Variants in SLC10A7 observed in about 807,000 individuals in gnomAD.
SLC10A7 encodes solute carrier family 10 member 7.
Under a neutral mutation model 43.2 loss-of-function variants are expected in SLC10A7, and 29 were observed. That is an observed-to-expected ratio of 0.67 (90% CI 0.50 to 0.92). The LOEUF (loss-of-function observed/expected upper bound fraction) is 0.92, where lower values mean the gene tolerates loss of function less well. SLC10A7 is among the 40% of genes least tolerant of loss of function. The pLI, the probability that SLC10A7 is intolerant of heterozygous loss-of-function variation, is 0.00. For synonymous variants in SLC10A7, 152 were observed against 144.8 expected (o/e 1.05, Z -0.35); for missense variants, 295 against 403.2 (o/e 0.73, Z 2.30).
chr4:146,369,874 C>A (rs1330561035), intron 5 of SLC10A7, among the ~76,000 whole-genome samples: 1 of 151,910 alleles, frequency 6.6e-6, no homozygotes, highest in Admixed American at 6.6e-5. Context: ...AGTGGGCCCA[C>A]AAAGCTAAAT....
chr4:146,512,529 G>C (rs532510794), intron 2 of SLC10A7, among the ~76,000 whole-genome samples: 2 of 152,090 alleles, frequency 1.3e-5, no homozygotes, highest in Admixed American at 1.3e-4. Context: ...AATCTAATTG[G>C]AGTGTTATGA....
At chr4:146,386,402 A>G (rs1737998715) in intron 5 of SLC10A7, among the ~76,000 whole-genome samples, 1 of 152,082 alleles carries the variant, frequency 6.6e-6, no homozygotes, top group Non-Finnish European at 1.5e-5. Flanking sequence ...TATAATGAAC[A>G]CTCATATATC....
intron 5 of SLC10A7, among the ~76,000 whole-genome samples, chr4:146,390,222 C>T (rs1182505399): frequency 6.6e-6 from 1 of 152,096 alleles, no homozygotes; most frequent in East Asian, 1.9e-4. Context: ...TGACAGAAGG[C>T]CATCATGTTT....
intron 5 of SLC10A7, among the ~76,000 whole-genome samples, chr4:146,343,753 T>G (rs920492816): frequency 4.6e-5 from 7 of 152,016 alleles, no homozygotes; most frequent in African/African-American, 1.7e-4. Flanking sequence ...TAGAAATATA[T>G]GTTTAACATC....
chr4:146,400,866 A>T (rs981945224), intron 5 of SLC10A7, among the ~76,000 whole-genome samples: 1 of 152,224 alleles, frequency 6.6e-6, no homozygotes, highest in African/African-American at 2.4e-5. Context: ...AAAGAAGAAT[A>T]CAAAATAAAC....
At chr4:146,361,179 A>G (rs1736024505) in intron 5 of SLC10A7, among the ~76,000 whole-genome samples, 1 of 152,202 alleles carries the variant, frequency 6.6e-6, no homozygotes, top group African/African-American at 2.4e-5. Flanking sequence ...CTGAGGAAGC[A>G]GGGCAATCTA....
At chr4:146,461,443 T>C (rs77991738) in intron 4 of SLC10A7, among the ~76,000 whole-genome samples, 3,871 of 152,144 alleles carry the variant, frequency 0.025, 75 homozygotes, top group Non-Finnish European at 0.041. Context: ...TAAGGCCCAG[T>C]AAGCCTTCAT....
intron 6 of SLC10A7, among the ~76,000 whole-genome samples, chr4:146,307,908 A>T (rs1731695073): frequency 1.3e-5 from 2 of 152,128 alleles, no homozygotes; most frequent in African/African-American, 4.8e-5. Flanking sequence ...AATCCATTTC[A>T]ACTTGGGTTT....
intron 5 of SLC10A7, among the ~76,000 whole-genome samples, chr4:146,392,474 T>C (rs1391072215): frequency 6.6e-6 from 1 of 152,206 alleles, no homozygotes; most frequent in African/African-American, 2.4e-5. Flanking sequence ...TGCATGTATA[T>C]ATTTTTATGT....
intron 10 of SLC10A7, among the ~76,000 whole-genome samples, chr4:146,267,480 C>T (rs796132297): frequency 7.9e-5 from 12 of 152,326 alleles, no homozygotes; most frequent in African/African-American, 2.9e-4. Context: ...GTGACCTGCT[C>T]TCATTGCACC....
intron 5 of SLC10A7, among the ~76,000 whole-genome samples, chr4:146,433,945 A>G (rs945722964): frequency 6.6e-6 from 1 of 152,178 alleles, no homozygotes; most frequent in Non-Finnish European, 1.5e-5. Flanking sequence ...TTACCCATTT[A>G]CATTATCCTT....
In SLC10A7 at chr4:146,442,735, A is replaced by G. The variant is rs765637277; in HGVS notation, c.435+48T>C. On this transcript the variant is annotated intron_variant, in intron 5 of 11. Transcript: ENST00000335472. ...TTTCACTAAATCTTTCATATACACA[A>G]TATCACAGCAAAAGTTGTAATAGAC... 15 of 1,594,040 alleles carry G rather than the reference A, an allele frequency of 9.4e-6. No individual in the cohort carries two copies. In the South Asian group the frequency reaches 1.6e-4, roughly 17 times the overall value.
intron 5 of SLC10A7, among the ~76,000 whole-genome samples, chr4:146,357,154 T>C (rs534429697): frequency 6.6e-6 from 1 of 152,332 alleles, no homozygotes; most frequent in African/African-American, 2.4e-5. Flanking sequence ...AACATACGTA[T>C]GTATGTGCAT....
chr4:146,434,765 T>C (rs1270783695), intron 5 of SLC10A7, among the ~76,000 whole-genome samples: 1 of 152,176 alleles, frequency 6.6e-6, no homozygotes, highest in Non-Finnish European at 1.5e-5. Context: ...GGTTTCACCA[T>C]GTTGGTCAGG....
chr4:146,260,713 C>T (rs980546389), intron 10 of SLC10A7, among the ~76,000 whole-genome samples: 2 of 152,170 alleles, frequency 1.3e-5, no homozygotes, highest in South Asian at 2.1e-4. Context: ...CCTGAATTTC[C>T]AGTTCTCCAT....
intron 4 of SLC10A7, among the ~76,000 whole-genome samples, chr4:146,471,034 C>T (rs551129687): frequency 6.6e-6 from 1 of 152,294 alleles, no homozygotes; most frequent in East Asian, 1.9e-4. Context: ...CAAATGATTA[C>T]ACATTGAGTA....
At chr4:146,429,628 G>A (rs1386778242) in intron 5 of SLC10A7, among the ~76,000 whole-genome samples, 1 of 149,956 alleles carries the variant, frequency 6.7e-6, no homozygotes. Context: ...CCAGAGATGG[G>A]AGAGAAGATC....
intron 5 of SLC10A7, among the ~76,000 whole-genome samples, chr4:146,414,402 G>A (rs548332743): frequency 7.9e-5 from 12 of 152,108 alleles, no homozygotes; most frequent in African/African-American, 2.9e-4. Context: ...TTCCACCAGG[G>A]GCTAACATGA....
At chr4:146,490,815 G>A (rs1735330766) in intron 4 of SLC10A7, among the ~76,000 whole-genome samples, 1 of 152,182 alleles carries the variant, frequency 6.6e-6, no homozygotes, top group South Asian at 2.1e-4. Flanking sequence ...ATCCTGGAAT[G>A]AGAGATGGAG....
Sources: allele counts gnomAD v4.1 joint callset (sites outside exome capture counted in the v4.1 genomes callset), GRCh38; gene constraint gnomAD v4.1.1; transcripts MANE v1.5; gene names NCBI Gene and HGNC (gene_info 2026-07-23, HGNC 2026-07-21).